The following SRPRB variants were observed in gnomAD, a reference collection of about 807,000 sequenced individuals.
The protein encoded by SRPRB is signal recognition particle receptor subunit beta.
In SRPRB, 20 loss-of-function variants were observed where a neutral mutation model predicts 31.9. The ratio of observed to expected loss-of-function variants is 0.63; its 90% CI spans 0.44 to 0.91. The LOEUF (loss-of-function observed/expected upper bound fraction) is 0.91, where lower values mean the gene tolerates loss of function less well. SRPRB is among the 40% of genes least tolerant of loss of function. The pLI, the probability that SRPRB is intolerant of heterozygous loss-of-function variation, is 0.00. For synonymous variants in SRPRB, 146 were observed against 132.8 expected, an observed-to-expected ratio of 1.10 and a Z score of -0.68; for missense variants, 321 against 324.9, an observed-to-expected ratio of 0.99 and a Z score of 0.09.
chr3:133,817,070 AAAT>A (rs1935381037), intron 6 of SRPRB, 138 bp downstream of exon 6: 1 of 608,486 alleles, frequency 1.6e-6, no homozygotes, highest in African/African-American at 1.9e-5. Context: ...AATATTTGTT[AAAT>A]AATTTACAAA....
chr3:133,814,876 C>T lies in SRPRB; in HGVS notation c.411-714C>T, dbSNP rs141957402. On this transcript the variant is annotated intron_variant, in intron 4 of 6. Coordinates refer to ENST00000678299, the MANE Select transcript of SRPRB (RefSeq NM_001379313.1). ...CTGGTCACTGTGCTTCTAGTTCAAGCGCCCTCTAAGATTGCTTTGTCTTCC... is the reference window on the plus strand; with the variant it reads ...CTGGTCACTGTGCTTCTAGTTCAAGTGCCCTCTAAGATTGCTTTGTCTTCC... 1.1e-4 allele frequency among the ~76,000 whole-genome samples: 16 copies of T among 152,328 alleles called. No individual in the cohort carries two copies. In the East Asian group the frequency reaches 1.4e-3, roughly 13 times the overall value.
intron 6 of SRPRB, 69 bp from the exon 7 acceptor site, chr3:133,819,484 T>G: frequency 1.4e-6 from 2 of 1,449,578 alleles, no homozygotes; most frequent in Non-Finnish European, 1.9e-6. Context: ...CTGAAATGTT[T>G]AGAAACTAAT....
intron 4 of SRPRB, among the ~76,000 whole-genome samples, chr3:133,814,132 A>ATTT (rs928130359): frequency 0.011 from 1,543 of 137,820 alleles, 38 homozygotes; most frequent in African/African-American, 0.038. Flanking sequence ...TAAGGCTTGT[A>ATTT]TTTTTTTTTT....
intron 1 of SRPRB, among the ~76,000 whole-genome samples, chr3:133,798,228 T>G (rs1420795919): frequency 6.6e-6 from 1 of 152,176 alleles, no homozygotes; most frequent in Non-Finnish European, 1.5e-5. Context: ...ATATCAGGAC[T>G]TGCTCATTAA....
At chr3:133,816,597 GT>G (rs1189300681) in intron 5 of SRPRB, among the ~76,000 whole-genome samples, 3 of 152,170 alleles carry the variant, frequency 2.0e-5, no homozygotes, top group Admixed American at 2.0e-4. Context: ...AAACTTATAT[GT>G]TTTGAATTGA....
chr3:133,821,537 A>T (rs1296033013), downstream of SRPRB: 1 of 152,086 alleles, frequency 6.6e-6, no homozygotes, highest in Non-Finnish European at 1.5e-5. Context: ...TTAATATCTT[A>T]CTTTATTGGA....
At chr3:133,791,711 T>A (rs570543076) in intron 1 of SRPRB, 9 of 152,306 alleles carry the variant, frequency 5.9e-5, no homozygotes, top group Admixed American at 2.0e-4. Context: ...GTCAGTCATG[T>A]CTTTGGGAGC....
intron 6 of SRPRB, 43 bp downstream of exon 6, chr3:133,816,975 A>G (rs1419615586): frequency 3.3e-6 from 5 of 1,500,708 alleles, no homozygotes; most frequent in African/African-American, 1.4e-5. Context: ...ATATCTTAAC[A>G]CTTAGACTGT....
chr3:133,806,545 A>G lies in SRPRB; in HGVS notation c.155-64A>G, dbSNP rs1002362136. On this transcript the variant is annotated intron_variant, in intron 1 of 6. Transcript: ENST00000678299. ...AGACTTCTGTGAATTTCCCCACCCC[A>G]GCCATGCACATATACTGATTCCCAA... 3.2e-6 allele frequency: 4 copies of G among 1,241,720 alleles called. No homozygotes were observed. The East Asian group carries it at 9.4e-5, about 29-fold the overall frequency. 76.9% of individuals were successfully genotyped at this position (1,241,720 alleles called of 1,614,324 possible). A position where few individuals can be genotyped will look rare whatever the true frequency, so the allele number is the denominator to read the frequency against.
Position 133,805,835 on chromosome 3 carries a change from C to T in SRPRB, c.-14C>T, listed in dbSNP as rs889012641. The T allele has an allele frequency of 3.1e-6, 5 of 1,601,430 alleles. No homozygotes were observed. The African/African-American group carries it at 4.0e-5, about 13-fold the overall frequency. ...ACGTCGCTTTTGCTGTACCGGGGAC[C>T]ACGCGTCTCATCCATGGCTTCCGCG... On this transcript the variant is annotated 5_prime_UTR_variant, in exon 1 of 7. Coordinates refer to ENST00000678299, the MANE Select transcript of SRPRB (RefSeq NM_001379313.1).
At chr3:133,814,965 CCTCA>C (rs1935341343) in intron 4 of SRPRB, among the ~76,000 whole-genome samples, 1 of 152,206 alleles carries the variant, frequency 6.6e-6, no homozygotes, top group African/African-American at 2.4e-5. Flanking sequence ...TTGTGTCACG[CCTCA>C]CTGTCTGACT....
At chr3:133,798,159 T>C (rs1250936028) in intron 1 of SRPRB, among the ~76,000 whole-genome samples, 1 of 152,240 alleles carries the variant, frequency 6.6e-6, no homozygotes, top group Non-Finnish European at 1.5e-5. Flanking sequence ...CTTTTTGTTA[T>C]AATTGATAGA....
At chr3:133,808,876 C>T (rs1177540558) in intron 3 of SRPRB, among the ~76,000 whole-genome samples, 4 of 133,482 alleles carry the variant, frequency 3.0e-5, no homozygotes, top group Admixed American at 7.9e-5. Context: ...GGCAATAGAG[C>T]GAGACTAAGT....
At chr3:133,825,564 G>C (rs2107981196), downstream of SRPRB, 1 of 152,338 alleles carries the variant, frequency 6.6e-6, no homozygotes, top group South Asian at 2.1e-4. Flanking sequence ...TGCAGCCATG[G>C]TGCTCATGAT....
intron 6 of SRPRB, among the ~76,000 whole-genome samples, chr3:133,819,153 G>C (rs943540521): frequency 6.6e-6 from 1 of 152,100 alleles, no homozygotes; most frequent in Non-Finnish European, 1.5e-5. Context: ...ATAGACTCAA[G>C]ATAAAAATAC....
At chr3:133,817,354 A>C (rs1289847894) in intron 6 of SRPRB, among the ~76,000 whole-genome samples, 1 of 152,252 alleles carries the variant, frequency 6.6e-6, no homozygotes, top group Non-Finnish European at 1.5e-5. Context: ...ACTGAGAATC[A>C]GGAAAAAAGA....
Position 133,806,706 on chromosome 3 carries a change from A to T in SRPRB, c.249+3A>T, listed in dbSNP as rs1208451636. The T allele has an allele frequency of 6.2e-7, 1 of 1,612,186 alleles. No homozygotes were observed. The highest frequency in any genetic ancestry group is 1.1e-5 in the South Asian group (1 of 91,002). Reference sequence around the variant, plus strand: ...GGAAAACGTTGCTCTTTGTCAGGGTAAATGATTTCATTGACACCCCTGTTA... The same window carrying T: ...GGAAAACGTTGCTCTTTGTCAGGGTTAATGATTTCATTGACACCCCTGTTA... On this transcript the variant is annotated splice_donor_region_variant and intron_variant, in intron 2 of 6. Coordinates refer to ENST00000678299, the MANE Select transcript of SRPRB (RefSeq NM_001379313.1).
upstream of SRPRB, among the ~76,000 whole-genome samples, chr3:133,804,247 G>A (rs564862807): frequency 4.6e-5 from 7 of 151,882 alleles, no homozygotes; most frequent in East Asian, 1.9e-4. Flanking sequence ...GTGAGTCACC[G>A]GGTCCTCCCC....
intron 2 of SRPRB, among the ~76,000 whole-genome samples, chr3:133,807,394 A>C (rs1935182294): frequency 6.6e-6 from 1 of 151,854 alleles, no homozygotes; most frequent in Admixed American, 6.6e-5. Flanking sequence ...CTGGGACTAC[A>C]GGCGTGCAAC....
Sources: gnomAD v4.1 joint callset for allele counts (sites outside exome capture counted in the v4.1 genomes callset) on GRCh38, gnomAD v4.1.1 for gene constraint, MANE v1.5 for transcripts, NCBI Gene and HGNC (gene_info 2026-07-23, HGNC 2026-07-21) for gene names.